Variants in EIF3L observed in about 807,000 individuals in gnomAD.
EIF3L encodes eIEF associated protein HSPC021.
Under a neutral mutation model 74.6 loss-of-function variants are expected in EIF3L, and 32 were observed. That is an observed-to-expected ratio of 0.43 (90% CI 0.32 to 0.58). The LOEUF (loss-of-function observed/expected upper bound fraction) is 0.58. Ranked by LOEUF, EIF3L falls within the 20% of genes least tolerant of loss-of-function variation. EIF3L has a pLI of 0.06. For synonymous variants in EIF3L, 256 were observed against 254.4 expected (o/e 1.01, Z -0.06); for missense variants, 474 against 707.8 (o/e 0.67, Z 3.75).
chr22:37,870,167 C>T lies in EIF3L; in HGVS notation c.580-9C>T. ...ACCACTACTGCATGTTTCTTTTCTT[C>T]CTCAACAGTTTCAGTCATTCAGTCA... On this transcript the variant is annotated splice_polypyrimidine_tract_variant and intron_variant, in intron 7 of 12. Transcript: ENST00000652021. 1 of 1,585,228 alleles carries T rather than the reference C, an allele frequency of 6.3e-7. No individual in the cohort carries two copies. Among genetic ancestry groups the T allele is most frequent in the Non-Finnish European group, 8.6e-7 (1 of 1,164,502 alleles).
In EIF3L at chr22:37,851,434, C is replaced by G; in HGVS notation, c.237C>G (p.Val79=). 6.2e-7 allele frequency: 1 copy of G among 1,614,054 alleles called. No homozygotes were observed. Among genetic ancestry groups the G allele is most frequent in the Non-Finnish European group, 8.5e-7 (1 of 1,180,010 alleles). The change falls in exon 3 of 13, where the codon GTC becomes GTG. Residue 79 remains valine (V), a synonymous_variant. Coordinates refer to ENST00000652021, the MANE Select transcript of EIF3L (RefSeq NM_016091.4). ...TGTATGAGCTACAGGCCAGTCGTGT[C>G]TCCAGTGATGTCATTGACCAGAAGG... The part of the protein sequence containing the change: ...QKVYELQASR[V]SSDVIDQKVY...
In EIF3L at chr22:37,862,968, G is replaced by A. The variant is rs776269752; in HGVS notation, c.436-1G>A. ...CTTGATATCTCTTGTTTTCTTTACA[G>A]GGGGGACCTTCCTTGGAGCAGAGGT... On this transcript the variant is annotated splice_acceptor_variant, in intron 5 of 12. Transcript: ENST00000652021. LOFTEE classifies it high-confidence loss of function. 2.0e-5 allele frequency: 32 copies of A among 1,607,478 alleles called. No homozygotes were observed.
rs1926728856 is a variant in EIF3L at position 37,876,025 on chromosome 22, T to C, written c.1077+14T>C. 1 of 1,606,790 alleles carries C rather than the reference T, an allele frequency of 6.2e-7. No homozygotes were observed. The highest frequency in any genetic ancestry group is 1.1e-5 in the South Asian group (1 of 90,774). The stretch of plus-strand genomic sequence containing the variant: ...AAGTATGAGATGGTAAGGGGGACTC[T>C]GCCTGCCACCAGTGGCCTTTCTAAT... On this transcript the variant is annotated intron_variant, in intron 10 of 12. Coordinates refer to ENST00000652021, the MANE Select transcript of EIF3L (RefSeq NM_016091.4).
rs772818107 is a variant in EIF3L, at chr22:37,870,218, T to G, written c.622T>G (p.Ser208Ala). ...GTACCGCTGTAAGACTGCCAAGAAG[T>G]CAGAGGAGGAGATTGACTTTCTTCG... The part of the protein sequence containing the change: ...SQYRCKTAKK[S>A]EEEIDFLRSN... The change falls in exon 8 of 13, where the codon TCA becomes GCA. Residue 208 changes from serine (S) to alanine (A), a missense_variant. Ser to Ala is a moderately conservative substitution (Grantham distance 99). This residue lies in a region of EIF3L where 293 missense variants were observed against 469.1 expected (regional missense o/e 0.62). Coordinates refer to ENST00000652021, the MANE Select transcript of EIF3L (RefSeq NM_016091.4). 4 of 1,613,508 alleles carry G rather than the reference T, an allele frequency of 2.5e-6. No homozygotes were observed. The highest frequency in any genetic ancestry group is 3.4e-6 in the Non-Finnish European group (4 of 1,179,754).
rs34538530 is a variant in EIF3L at position 37,871,872 on chromosome 22, GAA to G, written c.751+1544_751+1545del. ...TGACAGAGCGAGACTCTGTCTCGGG[GAA>G]AAAAAAAAAAAAAAAAAAGATATCT... is the stretch of plus-strand genomic sequence containing the variant. On this transcript the variant is annotated intron_variant, in intron 8 of 12. Coordinates refer to ENST00000652021, the MANE Select transcript of EIF3L (RefSeq NM_016091.4). Among the ~76,000 whole-genome samples the G allele has an allele frequency of 2.0e-3, 235 of 119,848 alleles. 1 individual carries two copies. The East Asian group carries it at 0.022, about 11-fold the overall frequency. The allele number at this position is 119,848 out of a possible 152,430, so 78.6% of individuals were successfully genotyped here.
At chr22:37,863,122 A>G in intron 6 of EIF3L, 84 bp downstream of exon 6, 7 of 1,061,556 alleles carry the variant, frequency 6.6e-6, no homozygotes, top group South Asian at 3.3e-5. Flanking sequence ...TTTTTTTTTT[A>G]AATTAGCAGG....
At chr22:37,852,045 G>A (rs1432277960) in intron 3 of EIF3L, among the ~76,000 whole-genome samples, 1 of 151,834 alleles carries the variant, frequency 6.6e-6, no homozygotes, top group East Asian at 1.9e-4. Context: ...CTCAAGTGAT[G>A]TACCCCCGTT....
At chr22:37,877,549 A>G (rs916358555) in intron 10 of EIF3L, 125 bp from the exon 11 acceptor site, 9 of 1,193,596 alleles carry the variant, frequency 7.5e-6, no homozygotes, top group East Asian at 2.4e-5. Context: ...GGGAAGTTCA[A>G]TGGCTGGTAT....
intron 11 of EIF3L, chr22:37,879,441 G>C (rs1926929616): frequency 6.6e-6 from 1 of 152,112 alleles, no homozygotes. Context: ...GTTGCAGTGA[G>C]CTGAGATCGC....
At chr22:37,864,764 C>T (rs1172239434) in intron 7 of EIF3L, among the ~76,000 whole-genome samples, 4 of 152,076 alleles carry the variant, frequency 2.6e-5, no homozygotes, top group African/African-American at 9.7e-5. Flanking sequence ...GTCTCGAACT[C>T]CCAACTTCAG....
Position 37,863,310 on chromosome 22 carries a change from T to C in EIF3L, c.544T>C (p.Trp182Arg). Reference sequence around the variant, plus strand: ...TGCTCCCCTTGAACTACCCAACCAGTGGCTCTGGGATATTATCGATGAGTT... The same window carrying C: ...TGCTCCCCTTGAACTACCCAACCAGCGGCTCTGGGATATTATCGATGAGTT... The part of the protein sequence containing the change: ...GPAPLELPNQ[W>R]LWDIIDEFIY... Residue 182 changes from tryptophan (W) to arginine (R), a missense_variant, in exon 7 of 13, where the codon TGG becomes CGG. By Grantham distance (101) the Trp-to-Arg change is moderately radical. Around this residue, in one of 4 missense-constraint regions of EIF3L, gnomAD observed 141 missense variants for 197.7 expected, o/e 0.71. Transcript: ENST00000652021. 1 of 1,614,024 alleles carries C rather than the reference T, an allele frequency of 6.2e-7. No individual in the cohort carries two copies. Among genetic ancestry groups the C allele is most frequent in the South Asian group, 1.1e-5 (1 of 91,056 alleles).
At chr22:37,859,628 C>T (rs1188856225) in intron 5 of EIF3L, among the ~76,000 whole-genome samples, 4 of 151,512 alleles carry the variant, frequency 2.6e-5, no homozygotes, top group Non-Finnish European at 4.4e-5. Context: ...GTGTTCCGCC[C>T]GCCTTGGCCT....
chr22:37,883,942 GAAT>G (rs1927190437), intron 11 of EIF3L: 3 of 152,106 alleles, frequency 2.0e-5, no homozygotes, highest in African/African-American at 7.2e-5. Flanking sequence ...ATGAATGAAT[GAAT>G]GAAGAATTCA....
rs918763782 is a variant in EIF3L at position 37,855,556 on chromosome 22, G to T, written c.294-9G>T. ...TTGGAATTTTAGAGATTTTTTTCTT[G>T]ATTTTTAGCTGGACCAAGCTGACTG... On this transcript the variant is annotated splice_polypyrimidine_tract_variant and intron_variant, in intron 3 of 12. Transcript: ENST00000652021. 4 of 1,613,132 alleles carry T rather than the reference G, an allele frequency of 2.5e-6. No homozygotes were observed. In the African/African-American group the frequency reaches 5.3e-5, roughly 22 times the overall value.
chr22:37,863,237 C>T, intron 6 of EIF3L, 35 bp from the exon 7 acceptor site: 2 of 1,576,886 alleles, frequency 1.3e-6, no homozygotes, highest in African/African-American at 1.4e-5. Flanking sequence ...AGAGTCATTG[C>T]TTTGAATCTG....
chr22:37,885,082 C>T (rs1057140764), intron 11 of EIF3L: 12 of 151,764 alleles, frequency 7.9e-5, no homozygotes, highest in Admixed American at 6.6e-4. Context: ...CCACATCTTG[C>T]TAATTTTTGT....
intron 3 of EIF3L, 60 bp downstream of exon 3, chr22:37,851,550 C>A: frequency 7.6e-7 from 1 of 1,316,944 alleles, no homozygotes; most frequent in Non-Finnish European, 1.1e-6. Context: ...TAATATAGTT[C>A]CTACAAATGA....
intron 7 of EIF3L, 36 bp from the exon 8 acceptor site, chr22:37,870,140 A>G: frequency 6.4e-7 from 1 of 1,550,994 alleles, no homozygotes; most frequent in Non-Finnish European, 8.7e-7. Context: ...CTTTGGGCTT[A>G]TACCACTACT....
At chr22:37,863,198 C>G in intron 6 of EIF3L, 74 bp from the exon 7 acceptor site, 2 of 1,365,502 alleles carry the variant, frequency 1.5e-6, no homozygotes, top group Non-Finnish European at 2.0e-6. Context: ...AGAGAAATTA[C>G]AAAGCATTCT....
Sources: allele counts gnomAD v4.1 joint callset (sites outside exome capture counted in the v4.1 genomes callset), GRCh38; gene constraint gnomAD v4.1.1; regional missense constraint gnomAD v4.1.1; transcripts MANE v1.5; gene names NCBI Gene and HGNC (gene_info 2026-07-23, HGNC 2026-07-21).